CASC3: variants seen among roughly 807,000 people sequenced by gnomAD.
The protein encoded by CASC3 is protein CASC3.
A neutral mutation model predicts 80.5 loss-of-function variants in CASC3; 30 were observed. The observed-to-expected ratio is 0.37, with a 90% CI of 0.28 to 0.51. The LOEUF is 0.51. Ranked by LOEUF, CASC3 falls within the 20% of genes least tolerant of loss-of-function variation. The pLI is 0.94. For synonymous variants in CASC3, 312 were observed against 333.6 expected (o/e 0.94, Z 0.70); for missense variants, 824 against 922.2 (o/e 0.89, Z 1.38).
chr17:40,162,792 G>A lies in CASC3; in HGVS notation c.676G>A (p.Asp226Asn). ...CTGGGAGCATGACAAGTTCCGGGAA[G>A]ATGAGCAGGCCCCAAAGTCCCGACA... Reference protein sequence around the residue: ...GRWEHDKFREDEQAPKSRQEL... With the variant: ...GRWEHDKFRENEQAPKSRQEL... The change falls in exon 6 of 14, where the codon GAT becomes AAT. Residue 226 changes from aspartate to asparagine, a missense_variant. Physicochemically the swap from Asp to Asn is conservative, Grantham distance 23 (BLOSUM62 1). This residue lies in a region of CASC3 where 201 missense variants were observed against 294.1 expected (regional missense o/e 0.68). Coordinates refer to ENST00000264645, the MANE Select transcript of CASC3 (RefSeq NM_007359.5). 2 of 1,614,178 alleles carry A rather than the reference G, an allele frequency of 1.2e-6. No homozygotes were observed. Among genetic ancestry groups the A allele is most frequent in the Non-Finnish European group, 8.5e-7 (1 of 1,180,040 alleles).
intron 5 of CASC3, 28 bp from the exon 6 acceptor site, chr17:40,162,697 C>G (rs1453383632): frequency 8.7e-6 from 14 of 1,609,756 alleles, no homozygotes; most frequent in Non-Finnish European, 1.1e-5. Flanking sequence ...TCTGCTGACC[C>G]AAGACACTTT....
At position 40,150,415 on chromosome 17, in the gene CASC3, C is replaced by CGTGTGT. The variant is rs10545573; in HGVS notation, c.297+8833_297+8838dup. Among the ~76,000 whole-genome samples the CGTGTGT allele has an allele frequency of 1.0e-3, 151 of 149,044 alleles. No individual in the cohort carries two copies. In the Middle Eastern group the frequency reaches 0.01, roughly 10 times the overall value. ...CTGCTTCAAAAAGTAAGAGTGTGTG[C>CGTGTGT]GTGTGTGTGTGTGTGTGTGTGTGTG... On this transcript the variant is annotated intron_variant, in intron 3 of 13. Transcript: ENST00000264645.
chr17:40,169,742 CTTTTTTTTTTTTTTT>C (rs56186811), intron 13 of CASC3, 80 bp downstream of exon 13: 56 of 96,520 alleles, frequency 5.8e-4, no homozygotes, highest in South Asian at 1.1e-3. Context: ...TTAATTAATG[CTTTTTTTTTTTTTTT>C]TTTTTTTTTT....
intron 7 of CASC3, 122 bp from the exon 8 acceptor site, chr17:40,166,675 T>C: frequency 1.6e-6 from 1 of 608,352 alleles, no homozygotes; most frequent in Non-Finnish European, 2.8e-6. Flanking sequence ...ATAGAGAATT[T>C]TATTAGTTAA....
At chr17:40,159,232 G>A (rs996881360) in intron 3 of CASC3, among the ~76,000 whole-genome samples, 8 of 151,992 alleles carry the variant, frequency 5.3e-5, no homozygotes, top group African/African-American at 1.9e-4. Context: ...GTGAGACCCT[G>A]TCTCAAAAAA....
Position 40,170,696 on chromosome 17 carries a change from C to T in CASC3, c.*291C>T. ...AGCCCCAAGCTTCTGAGTCTAGATA[C>T]AGAAGCCCATGTCTTCTGCTGTTCT... On this transcript the variant is annotated 3_prime_UTR_variant, in exon 14 of 14. Coordinates refer to ENST00000264645, the MANE Select transcript of CASC3 (RefSeq NM_007359.5). 2.0e-6 allele frequency: 2 copies of T among 985,578 alleles called. No homozygotes were observed. The highest frequency in any genetic ancestry group is 3.5e-5 in the African/African-American group (2 of 57,368). 61.1% of individuals were successfully genotyped at this position (985,578 alleles called of 1,614,324 possible).
intron 8 of CASC3, 73 bp downstream of exon 8, chr17:40,166,934 A>G (rs1278538894): frequency 1.9e-6 from 2 of 1,059,494 alleles, no homozygotes; most frequent in East Asian, 2.6e-5. Flanking sequence ...TTAAACCAAG[A>G]TAAGGTCTTT....
intron 3 of CASC3, among the ~76,000 whole-genome samples, chr17:40,152,549 G>T (rs1160819881): frequency 6.6e-6 from 1 of 151,970 alleles, no homozygotes; most frequent in Non-Finnish European, 1.5e-5. Context: ...TCGAGCTCCC[G>T]ACCTCAGGTG....
intron 13 of CASC3, 103 bp downstream of exon 13, chr17:40,169,765 T>C (rs1989549239): frequency 3.0e-6 from 2 of 664,482 alleles, no homozygotes; most frequent in South Asian, 2.3e-5. Context: ...TTTTTTTTTT[T>C]TTTTTTTTGA....
At position 40,156,368 on chromosome 17, in the gene CASC3, C is replaced by G. The variant is rs898737616; in HGVS notation, c.298-5385C>G. On this transcript the variant is annotated intron_variant, in intron 3 of 13. Transcript: ENST00000264645. The stretch of plus-strand genomic sequence containing the variant: ...CTGTTACCTTTCTGAGAGTCCTAAC[C>G]CAAAACACTCAAGGCCAAAATAGTT... Among the ~76,000 whole-genome samples, 7 of 152,036 alleles carry G rather than the reference C, an allele frequency of 4.6e-5. 1 individual carries two copies. The highest frequency in any genetic ancestry group is 1.7e-4 in the African/African-American group (7 of 41,374).
intron 3 of CASC3, among the ~76,000 whole-genome samples, chr17:40,155,047 G>A (rs1326295820): frequency 4.0e-5 from 6 of 151,678 alleles, no homozygotes; most frequent in African/African-American, 7.3e-5. Flanking sequence ...CCGCCACCAC[G>A]CCCAGCTGAT....
At chr17:40,149,801 C>G (rs963281397) in intron 3 of CASC3, among the ~76,000 whole-genome samples, 1 of 150,576 alleles carries the variant, frequency 6.6e-6, no homozygotes, top group Admixed American at 6.6e-5. Context: ...GTCAGGAGAT[C>G]GAGACCATCC....
intron 2 of CASC3, 85 bp downstream of exon 2, chr17:40,141,319 C>G (rs1484931211): frequency 7.9e-7 from 1 of 1,262,354 alleles, no homozygotes; most frequent in Non-Finnish European, 1.2e-6. Context: ...GACATTCTCA[C>G]ACACTGTCAC....
chr17:40,140,884 A>C, intron 1 of CASC3, 105 bp downstream of exon 1: 1 of 926,208 alleles, frequency 1.1e-6, no homozygotes, highest in Admixed American at 3.2e-5. Flanking sequence ...AGATACTGGG[A>C]CTTTTTTTTG....
At position 40,156,993 on chromosome 17, in the gene CASC3, T is replaced by G. The variant is rs192259737; in HGVS notation, c.298-4760T>G. Among the ~76,000 whole-genome samples, 461 of 150,192 alleles carry G rather than the reference T, an allele frequency of 3.1e-3. 2 individuals are homozygous for G. The highest frequency in any genetic ancestry group is 0.011 in the African/African-American group (452 of 40,800). On this transcript the variant is annotated intron_variant, in intron 3 of 13. Coordinates refer to ENST00000264645, the MANE Select transcript of CASC3 (RefSeq NM_007359.5). Reference sequence around the variant, plus strand: ...GGGAGTTTGAGGCTGCAGCAAGCCATGATCACACCACTACACTCTACCCTG... The same window carrying G: ...GGGAGTTTGAGGCTGCAGCAAGCCAGGATCACACCACTACACTCTACCCTG...
intron 3 of CASC3, among the ~76,000 whole-genome samples, chr17:40,156,427 C>T (rs1989146449): frequency 6.6e-6 from 1 of 152,158 alleles, no homozygotes; most frequent in African/African-American, 2.4e-5. Flanking sequence ...TGGCTCATGC[C>T]TATAATCCCA....
rs1311416304 is a variant in CASC3, at chr17:40,159,135, G to C, written c.298-2618G>C. Among the ~76,000 whole-genome samples, 8 of 152,148 alleles carry C rather than the reference G, an allele frequency of 5.3e-5. No homozygotes were observed. The East Asian group carries it at 1.4e-3, about 26-fold the overall frequency. On this transcript the variant is annotated intron_variant, in intron 3 of 13. Coordinates refer to ENST00000264645, the MANE Select transcript of CASC3 (RefSeq NM_007359.5). ...TCTGTAGTCCCAGCTACTTGTGGGG[G>C]CTGAGGTGGGAGGATTACTTGAGCC...
At position 40,163,750 on chromosome 17, in the gene CASC3, G is replaced by A. The variant is rs1447477178; in HGVS notation, c.1055G>A (p.Arg352Gln). 6.8e-6 allele frequency: 11 copies of A among 1,614,040 alleles called. No individual in the cohort carries two copies. The highest frequency in any genetic ancestry group is 1.7e-5 in the Admixed American group (1 of 59,990). ...AAGCATGAGATTAGTTACCGGTCAC[G>A]GCGCCTAGAGCAGACTTCTGTGAGG... Reference protein sequence around the residue: ...TVKHEISYRSRRLEQTSVRDP... With the variant: ...TVKHEISYRSQRLEQTSVRDP... Residue 352 changes from arginine to glutamine, a missense_variant, in exon 7 of 14, where the codon CGG (arginine) becomes CAG (glutamine). Coordinates refer to ENST00000264645, the MANE Select transcript of CASC3 (RefSeq NM_007359.5).
At chr17:40,159,176 A>G (rs1231902252) in intron 3 of CASC3, among the ~76,000 whole-genome samples, 4 of 152,056 alleles carry the variant, frequency 2.6e-5, no homozygotes, top group African/African-American at 7.2e-5. Context: ...AGTCAAGGCT[A>G]TAGTCAGTTG....
Sources: allele counts gnomAD v4.1 joint callset (sites outside exome capture counted in the v4.1 genomes callset), GRCh38; gene constraint gnomAD v4.1.1; regional missense constraint gnomAD v4.1.1; transcripts MANE v1.5; gene names NCBI Gene and HGNC (gene_info 2026-07-23, HGNC 2026-07-21).